The following MAD1L1 variants were observed in gnomAD, a reference collection of about 807,000 sequenced individuals.
The protein encoded by MAD1L1 is mitotic spindle assembly checkpoint protein MAD1.
A neutral mutation model predicts 96.9 loss-of-function variants in MAD1L1; 95 were observed. That is an observed-to-expected ratio of 0.98 (90% CI 0.83 to 1.16). The LOEUF (loss-of-function observed/expected upper bound fraction) is 1.16. Ranked by LOEUF, MAD1L1 falls within the 50% of genes most tolerant of loss-of-function variation. The pLI is 0.00. For synonymous variants in MAD1L1, 473 were observed against 396.6 expected (o/e 1.19, Z -2.29); for missense variants, 1,007 against 954.4 (o/e 1.06, Z -0.73).
intron 18 of MAD1L1, chr7:1,846,939 G>C (rs1296731520): frequency 3.1e-6 from 1 of 319,124 alleles, no homozygotes. Flanking sequence ...TATCACGGGA[G>C]GTTCTTCATC....
intron 12 of MAD1L1, among the ~76,000 whole-genome samples, chr7:2,067,578 GAACCCCCGCAGTGGTCAGCCCA>G (rs573321639): frequency 0.071 from 10,875 of 152,124 alleles, 1,226 homozygotes; most frequent in African/African-American, 0.24. Context: ...GCACTTGCCT[GAACCCCCGCAGTGGTCAGCCCA>G]AACCCCCGCA....
At chr7:2,110,545 G>A (rs1202229771) in intron 11 of MAD1L1, among the ~76,000 whole-genome samples, 2 of 152,176 alleles carry the variant, frequency 1.3e-5, no homozygotes, top group Non-Finnish European at 2.9e-5. Context: ...ACTCACACTG[G>A]CAGTGGAGAA....
chr7:2,084,937 C>A (rs942664123), intron 11 of MAD1L1, among the ~76,000 whole-genome samples: 1 of 152,170 alleles, frequency 6.6e-6, no homozygotes, highest in South Asian at 2.1e-4. Context: ...TTGCCGTCAT[C>A]GTTTCCTGAA....
intron 10 of MAD1L1, among the ~76,000 whole-genome samples, chr7:2,174,360 C>T (rs1790850364): frequency 6.6e-6 from 1 of 152,202 alleles, no homozygotes; most frequent in Non-Finnish European, 1.5e-5. Flanking sequence ...GTGTAGGATG[C>T]TGTCTTTACC....
At chr7:2,203,480 G>A (rs183222780) in intron 10 of MAD1L1, among the ~76,000 whole-genome samples, 8 of 152,320 alleles carry the variant, frequency 5.3e-5, no homozygotes, top group South Asian at 2.1e-4. Context: ...AGTCTCAAAC[G>A]CACATCTCTT....
chr7:2,197,053 C>T (rs1033063773), intron 10 of MAD1L1, among the ~76,000 whole-genome samples: 2 of 152,230 alleles, frequency 1.3e-5, no homozygotes, highest in East Asian at 1.9e-4. Context: ...AGACCTTCTG[C>T]GGCTCCTGTG....
chr7:2,199,670 C>T (rs565150831), intron 10 of MAD1L1, among the ~76,000 whole-genome samples: 1 of 152,248 alleles, frequency 6.6e-6, no homozygotes, highest in Non-Finnish European at 1.5e-5. Context: ...GGAAACCAGA[C>T]GAGGGCCAGG....
intron 14 of MAD1L1, among the ~76,000 whole-genome samples, chr7:2,001,798 T>C (rs528970743): frequency 1.3e-5 from 2 of 152,164 alleles, no homozygotes; most frequent in African/African-American, 4.8e-5. Flanking sequence ...CGTGGCCTCA[T>C]GCGGCAAACA....
At chr7:1,961,147 G>C (rs931317858) in intron 15 of MAD1L1, among the ~76,000 whole-genome samples, 11 of 152,154 alleles carry the variant, frequency 7.2e-5, no homozygotes, top group African/African-American at 2.2e-4. Flanking sequence ...CCACAGGCTG[G>C]GAGACTCTGG....
intron 6 of MAD1L1, 48 bp from the exon 7 acceptor site, chr7:2,218,091 G>A (rs760537884): frequency 6.9e-7 from 1 of 1,438,908 alleles, no homozygotes; most frequent in Non-Finnish European, 9.8e-7. Flanking sequence ...ATGCGGCAAG[G>A]CCAACAATTC....
chr7:2,026,937 A>G (rs1486446188), intron 12 of MAD1L1, among the ~76,000 whole-genome samples: 2 of 152,210 alleles, frequency 1.3e-5, no homozygotes, highest in African/African-American at 4.8e-5. Flanking sequence ...GAAAAAATCA[A>G]TAAAGCCAAA....
At chr7:2,224,932 CT>C (rs1215988684) in intron 4 of MAD1L1, among the ~76,000 whole-genome samples, 1 of 152,144 alleles carries the variant, frequency 6.6e-6, no homozygotes, top group Non-Finnish European at 1.5e-5. Flanking sequence ...CCATGACCTC[CT>C]AAGCCTGTCA....
At chr7:1,921,286 T>G (rs1788778193) in intron 17 of MAD1L1, among the ~76,000 whole-genome samples, 1 of 152,160 alleles carries the variant, frequency 6.6e-6, no homozygotes, top group Admixed American at 6.5e-5. Flanking sequence ...AAATAAAACC[T>G]TGATACCTTT....
chr7:2,097,028 G>A (rs142615655), intron 11 of MAD1L1, among the ~76,000 whole-genome samples: 2 of 152,172 alleles, frequency 1.3e-5, no homozygotes, highest in African/African-American at 2.4e-5. Context: ...CAGTTGACAT[G>A]GTTATGATAA....
chr7:1,844,078 G>A (rs1310509875), intron 18 of MAD1L1: 2 of 154,588 alleles, frequency 1.3e-5, no homozygotes, highest in East Asian at 3.9e-4. Context: ...CCACCAGAAG[G>A]CAACTAAAAA....
chr7:2,091,775 CAAA>C (rs35981269), intron 11 of MAD1L1, among the ~76,000 whole-genome samples: 4 of 125,384 alleles, frequency 3.2e-5, no homozygotes, highest in Non-Finnish European at 3.4e-5. Context: ...GACTCCATCT[CAAA>C]AAAAAAAAAA....
chr7:2,065,107 T>G (rs1784824513), intron 12 of MAD1L1, among the ~76,000 whole-genome samples: 1 of 152,262 alleles, frequency 6.6e-6, no homozygotes, highest in Admixed American at 6.5e-5. Flanking sequence ...GACTCTCTTC[T>G]GGATGTGAGG....
At chr7:2,041,134 G>A (rs1003338898) in intron 12 of MAD1L1, among the ~76,000 whole-genome samples, 2 of 152,156 alleles carry the variant, frequency 1.3e-5, no homozygotes, top group Non-Finnish European at 2.9e-5. Flanking sequence ...AAAGCTCAAG[G>A]CTGTCAGGAG....
At chr7:2,196,378 C>A (rs1433805759) in intron 10 of MAD1L1, among the ~76,000 whole-genome samples, 1 of 152,246 alleles carries the variant, frequency 6.6e-6, no homozygotes, top group Non-Finnish European at 1.5e-5. Context: ...GGGAAAACGT[C>A]TGGCCTTCAT....
Sources: allele counts gnomAD v4.1 joint callset (sites outside exome capture counted in the v4.1 genomes callset), GRCh38; gene constraint gnomAD v4.1.1; transcripts MANE v1.5; gene names NCBI Gene and HGNC (gene_info 2026-07-23, HGNC 2026-07-21).